The following PTPRD variants were observed in gnomAD, a reference collection of about 807,000 sequenced individuals.
PTPRD encodes receptor-type tyrosine-protein phosphatase delta.
A neutral mutation model predicts 214.5 loss-of-function variants in PTPRD; 34 were observed. The ratio of observed to expected loss-of-function variants is 0.16; its 90% confidence interval spans 0.12 to 0.21. PTPRD has a LOEUF of 0.21. Among genes scored for constraint, PTPRD ranks in the 10% least tolerant of loss-of-function variants. The probability of loss-of-function intolerance (pLI) is 1.00; values close to 1 mark genes in which losing one functional copy is unlikely to be tolerated. For missense variants in PTPRD, 2,545 were observed against 2,398.7 expected, an observed-to-expected ratio of 1.06 and a Z score of -1.27; for synonymous variants, 1,128 against 845.7, an observed-to-expected ratio of 1.33 and a Z score of -5.79.
At chr9:9,278,520 T>A (rs1444152372) in intron 9 of PTPRD, among the ~76,000 whole-genome samples, 1 of 151,326 alleles carries the variant, frequency 6.6e-6, no homozygotes, top group Non-Finnish European at 1.5e-5. Flanking sequence ...AAATTGAGGA[T>A]ATGTATATTT....
At position 8,636,695 on chromosome 9, in the gene PTPRD, A is replaced by C. The variant is rs749821676; in HGVS notation, c.210+4T>G. On this transcript the variant is annotated splice_donor_region_variant and intron_variant, in intron 13 of 45. Transcript: ENST00000381196. ...CCAGAGAAACAGAACAATGGACCTAATACCTCAAATCTCTGATTGCTGACT... is the reference window on the plus strand; with the variant it reads ...CCAGAGAAACAGAACAATGGACCTACTACCTCAAATCTCTGATTGCTGACT... The C allele has an allele frequency of 1.2e-6, 2 of 1,613,938 alleles. No individual in the cohort carries two copies. The highest frequency in any genetic ancestry group is 1.1e-5 in the South Asian group (1 of 91,078).
At chr9:8,564,591 C>A (rs929750377) in intron 14 of PTPRD, among the ~76,000 whole-genome samples, 2 of 152,100 alleles carry the variant, frequency 1.3e-5, no homozygotes, top group African/African-American at 4.8e-5. Context: ...AATCCCGCTA[C>A]TCAGGGGCTG....
chr9:10,489,320 C>T (rs751498466), intron 2 of PTPRD, among the ~76,000 whole-genome samples: 2 of 152,122 alleles, frequency 1.3e-5, no homozygotes, highest in Non-Finnish European at 2.9e-5. Context: ...TGCGGCTGAG[C>T]TGGTATCCAA....
At chr9:10,173,430 G>A (rs548613393) in intron 3 of PTPRD, among the ~76,000 whole-genome samples, 5 of 152,084 alleles carry the variant, frequency 3.3e-5, no homozygotes, top group African/African-American at 9.6e-5. Flanking sequence ...TAAGATGTAG[G>A]GTCAGAATTC....
chr9:10,050,288 C>T (rs561915487), intron 3 of PTPRD, among the ~76,000 whole-genome samples: 13 of 151,610 alleles, frequency 8.6e-5, no homozygotes, highest in East Asian at 5.8e-4. Flanking sequence ...CGGCCGGGCT[C>T]GGTGGCTCAC....
chr9:10,147,273 T>A (rs186191193), intron 3 of PTPRD, among the ~76,000 whole-genome samples: 1 of 151,044 alleles, frequency 6.6e-6, no homozygotes, highest in East Asian at 2.0e-4. Flanking sequence ...TCTTTTTTTT[T>A]ATTATTATAC....
intron 3 of PTPRD, among the ~76,000 whole-genome samples, chr9:10,204,658 TA>T (rs910740658): frequency 3.3e-5 from 5 of 152,186 alleles, no homozygotes; most frequent in Non-Finnish European, 7.3e-5. Context: ...GATGTTGATA[TA>T]AAAAATATGA....
At chr9:9,373,638 C>T (rs889115120) in intron 9 of PTPRD, among the ~76,000 whole-genome samples, 1 of 152,050 alleles carries the variant, frequency 6.6e-6, no homozygotes, top group African/African-American at 2.4e-5. Flanking sequence ...CAGCACATTG[C>T]CTTCTGCTCT....
chr9:9,927,180 C>A (rs990846284), intron 5 of PTPRD, among the ~76,000 whole-genome samples: 1 of 152,110 alleles, frequency 6.6e-6, no homozygotes, highest in African/African-American at 2.4e-5. Context: ...AAAAGCATTT[C>A]TACTTGTGAT....
At chr9:9,757,577 T>C (rs960491828) in intron 6 of PTPRD, among the ~76,000 whole-genome samples, 15 of 145,782 alleles carry the variant, frequency 1.0e-4, no homozygotes, top group African/African-American at 4.0e-4. Context: ...TTATCTCTTA[T>C]TTGATCAAAA....
rs552229190 is a variant in PTPRD at position 8,319,155 on chromosome 9, T to C, written c.5670+676A>G. Among the ~76,000 whole-genome samples, 101 of 152,220 alleles carry C rather than the reference T, an allele frequency of 6.6e-4. 1 individual carries two copies. The highest frequency in any genetic ancestry group is 1.3e-3 in the Non-Finnish European group (86 of 68,000). On this transcript the variant is annotated intron_variant, in intron 45 of 45. Transcript: ENST00000381196. ...ACTTTGAAATCCGTCTGAAAGATACTGTGGATGATGAATTGAGGAACACAT... is the reference window on the plus strand; with the variant it reads ...ACTTTGAAATCCGTCTGAAAGATACCGTGGATGATGAATTGAGGAACACAT...
At chr9:9,238,601 T>C (rs926323195) in intron 9 of PTPRD, among the ~76,000 whole-genome samples, 9 of 152,194 alleles carry the variant, frequency 5.9e-5, no homozygotes, top group Admixed American at 5.9e-4. Flanking sequence ...TAAGAGCTAG[T>C]AGCATGCTCA....
intron 37 of PTPRD, among the ~76,000 whole-genome samples, chr9:8,388,910 A>G (rs139376374): frequency 2.0e-5 from 3 of 152,156 alleles, no homozygotes; most frequent in African/African-American, 4.8e-5. Flanking sequence ...TTCTTGTTCA[A>G]TGGTGTTTTT....
intron 2 of PTPRD, among the ~76,000 whole-genome samples, chr9:10,364,568 G>A (rs1164149069): frequency 6.6e-6 from 1 of 152,060 alleles, no homozygotes; most frequent in Non-Finnish European, 1.5e-5. Flanking sequence ...AAATATATTT[G>A]AAATTTTCAA....
intron 2 of PTPRD, among the ~76,000 whole-genome samples, chr9:10,543,150 G>T (rs1307702467): frequency 6.6e-6 from 1 of 152,062 alleles, no homozygotes; most frequent in African/African-American, 2.4e-5. Context: ...CTCCCAAAGT[G>T]CTGGGATTAC....
chr9:8,318,022 C>A, intron 45 of PTPRD, 80 bp from the exon 46 acceptor site: 3 of 1,294,474 alleles, frequency 2.3e-6, no homozygotes, highest in African/African-American at 1.8e-5. Context: ...ATCAATATTG[C>A]ATAACAAAAT....
At chr9:10,387,742 C>T (rs765096615) in intron 2 of PTPRD, among the ~76,000 whole-genome samples, 17 of 149,830 alleles carry the variant, frequency 1.1e-4, no homozygotes, top group Non-Finnish European at 2.5e-4. Flanking sequence ...ACATTTGAGA[C>T]CATTTCTGTC....
chr9:8,483,740 C>T (rs868037041), intron 30 of PTPRD, among the ~76,000 whole-genome samples: 1 of 152,166 alleles, frequency 6.6e-6, no homozygotes, highest in Non-Finnish European at 1.5e-5. Context: ...GATCGCGCCA[C>T]TGCACTCCAG....
At chr9:9,238,718 A>G (rs536539395) in intron 9 of PTPRD, among the ~76,000 whole-genome samples, 95 of 152,264 alleles carry the variant, frequency 6.2e-4, no homozygotes, top group South Asian at 1.5e-3. Context: ...AATGAGGTAT[A>G]TTCTAAAACA....
Sources: gnomAD v4.1 joint callset for allele counts (sites outside exome capture counted in the v4.1 genomes callset) on GRCh38, gnomAD v4.1.1 for gene constraint, MANE v1.5 for transcripts, NCBI Gene and HGNC (gene_info 2026-07-23, HGNC 2026-07-21) for gene names.